Variants in CDH26 observed in about 807,000 individuals in gnomAD.
CDH26 encodes cadherin 26.
Under a neutral mutation model 90.3 loss-of-function variants are expected in CDH26, and 83 were observed. The observed-to-expected ratio is 0.92, with a 90% CI of 0.77 to 1.10. CDH26 has a LOEUF of 1.10. CDH26 is among the 50% of genes least tolerant of loss of function. The pLI is 0.00. For missense variants in CDH26, 1,013 were observed against 1,037.6 expected (o/e 0.98, Z 0.33); for synonymous variants, 397 against 396.3 (o/e 1.00, Z -0.02).
rs940934920 is a variant in CDH26, at chr20:59,987,240, C to T, written c.838-213C>T. Among the ~76,000 whole-genome samples the T allele has an allele frequency of 5.3e-5, 8 of 152,288 alleles. No homozygotes were observed. In the East Asian group the frequency reaches 9.6e-4, roughly 18 times the overall value. ...AGGTAGGAGGGGGCAGATATTCCAACGGATGCACCTTCTGCTGTAACAGAC... is the reference window on the plus strand; with the variant it reads ...AGGTAGGAGGGGGCAGATATTCCAATGGATGCACCTTCTGCTGTAACAGAC... On this transcript the variant is annotated intron_variant, in intron 7 of 17. Transcript: ENST00000348616.
In CDH26 at chr20:59,987,565, A is replaced by C; in HGVS notation, c.950A>C (p.His317Pro). 6.2e-7 allele frequency: 1 copy of C among 1,614,070 alleles called. No individual in the cohort carries two copies. ...TGGAGAGCAAAATTCAACATATTGCATGGCAATGAAGAGGGGCATTTTGAC... is the reference window on the plus strand; with the variant it reads ...TGGAGAGCAAAATTCAACATATTGCCTGGCAATGAAGAGGGGCATTTTGAC... ...SAWRAKFNILHGNEEGHFDIS... is the reference protein window; with the variant it reads ...SAWRAKFNILPGNEEGHFDIS... Residue 317 changes from histidine to proline, a missense_variant, in exon 8 of 18, where the codon CAT becomes CCT. Transcript: ENST00000348616.
At chr20:59,996,588 G>A (rs375982902) in intron 12 of CDH26, 43 bp from the exon 13 acceptor site, 2 of 1,614,206 alleles carry the variant, frequency 1.2e-6, no homozygotes, top group Non-Finnish European at 1.7e-6. Context: ...CTCTGATATG[G>A]GTGAGCTTGT....
chr20:60,027,968 T>A (rs2062011762), intron 7 of CDH26, among the ~76,000 whole-genome samples: 1 of 152,234 alleles, frequency 6.6e-6, no homozygotes, highest in Non-Finnish European at 1.5e-5. Flanking sequence ...CAGGGTAACA[T>A]CTGACCAGAC....
intron 17 of CDH26, among the ~76,000 whole-genome samples, chr20:60,011,213 G>T (rs1401859189): frequency 6.6e-6 from 1 of 152,216 alleles, no homozygotes; most frequent in Admixed American, 6.5e-5. Context: ...ATGACTCTAG[G>T]TTTCAAGGTT....
intron 4 of CDH26, among the ~76,000 whole-genome samples, chr20:59,974,583 A>T (rs1420951597): frequency 2.6e-5 from 4 of 152,166 alleles, no homozygotes; most frequent in South Asian, 2.1e-4. Context: ...TGGCATCCCC[A>T]TTAATTCTGT....
At chr20:59,987,422 A>G (rs1412580058) in intron 7 of CDH26, 31 bp from the exon 8 acceptor site, 2 of 1,569,208 alleles carry the variant, frequency 1.3e-6, no homozygotes, top group African/African-American at 1.4e-5. Flanking sequence ...TTTTGTTTCC[A>G]TGACATGGAC....
intron 17 of CDH26, among the ~76,000 whole-genome samples, chr20:60,010,481 G>A (rs1427550221): frequency 2.0e-5 from 3 of 152,118 alleles, no homozygotes; most frequent in African/African-American, 4.8e-5. Flanking sequence ...AAGGTAAATA[G>A]GCTAAAGTCC....
intron 1 of CDH26, among the ~76,000 whole-genome samples, chr20:59,961,923 T>C (rs2061080336): frequency 6.6e-6 from 1 of 152,200 alleles, no homozygotes; most frequent in Admixed American, 6.5e-5. Context: ...AAAAGCCACT[T>C]ATGATTTTTT....
At chr20:60,009,565 G>C (rs576340962) in intron 17 of CDH26, among the ~76,000 whole-genome samples, 3 of 152,278 alleles carry the variant, frequency 2.0e-5, no homozygotes, top group South Asian at 2.1e-4. Context: ...CTCCCTCTGC[G>C]GGGCAGGGAG....
chr20:59,961,204 A>G (rs947999052), intron 1 of CDH26, among the ~76,000 whole-genome samples: 2 of 151,576 alleles, frequency 1.3e-5, no homozygotes, highest in African/African-American at 4.8e-5. Context: ...CCTACCCACA[A>G]TGAGTCTGAT....
At chr20:60,021,995 G>A (rs2061962525) in intron 7 of CDH26, among the ~76,000 whole-genome samples, 1 of 150,828 alleles carries the variant, frequency 6.6e-6, no homozygotes, top group Non-Finnish European at 1.5e-5. Context: ...GCATCTTTAT[G>A]AAGTACCCCT....
intron 9 of CDH26, among the ~76,000 whole-genome samples, 164 bp downstream of exon 9, chr20:59,989,327 G>A (rs1273130608): frequency 6.6e-6 from 1 of 151,892 alleles, no homozygotes; most frequent in East Asian, 1.9e-4. Context: ...AAGAGATCGA[G>A]ACCATCCTGG....
At chr20:60,008,907 A>C (rs1278435541) in intron 17 of CDH26, among the ~76,000 whole-genome samples, 1 of 152,216 alleles carries the variant, frequency 6.6e-6, no homozygotes, top group African/African-American at 2.4e-5. Flanking sequence ...CAGGCAAGCC[A>C]GGCTCCTGCA....
chr20:60,002,705 C>A, intron 15 of CDH26, 108 bp from the exon 16 acceptor site: 4 of 658,604 alleles, frequency 6.1e-6, no homozygotes, highest in Non-Finnish European at 1.0e-5. Flanking sequence ...AATTACTATA[C>A]CTTTAGTACA....
At chr20:60,005,947 C>T (rs1225495542) in intron 16 of CDH26, among the ~76,000 whole-genome samples, 1 of 152,230 alleles carries the variant, frequency 6.6e-6, no homozygotes, top group Non-Finnish European at 1.5e-5. Flanking sequence ...TCCCTCCCTG[C>T]TTAGGGCCTG....
chr20:60,023,959 G>GA (rs1491074204), intron 7 of CDH26, among the ~76,000 whole-genome samples: 3 of 124,230 alleles, frequency 2.4e-5, no homozygotes, highest in African/African-American at 6.2e-5. Flanking sequence ...TGCTGACAGA[G>GA]GGAGAGAGAG....
chr20:60,016,631 T>G (rs2061907742), downstream of CDH26, among the ~76,000 whole-genome samples: 1 of 150,934 alleles, frequency 6.6e-6, no homozygotes, highest in South Asian at 2.1e-4. Flanking sequence ...TTGCTCTGGC[T>G]AGGACATTCA....
In CDH26 at chr20:59,958,480, C is replaced by A; in HGVS notation, c.-247C>A. 2.0e-6 allele frequency: 1 copy of A among 497,918 alleles called. No homozygotes were observed. Among genetic ancestry groups the A allele is most frequent in the Middle Eastern group, 5.4e-4 (1 of 1,858 alleles). The allele number at this position is 497,918 out of a possible 1,614,324, so 30.8% of individuals were successfully genotyped here. On this transcript the variant is annotated 5_prime_UTR_variant, in exon 1 of 18. Coordinates refer to ENST00000348616, the MANE Select transcript of CDH26 (RefSeq NM_177980.4). The stretch of plus-strand genomic sequence containing the variant: ...TGGCTTTAGTTTCTACCCCACCCTT[C>A]CTAGGAACTCTACTTGTGGCAAACG...
chr20:60,008,878 T>TAG (rs1282467482), intron 17 of CDH26, among the ~76,000 whole-genome samples: 1 of 152,186 alleles, frequency 6.6e-6, no homozygotes, highest in Non-Finnish European at 1.5e-5. Context: ...TCTCCGGGCC[T>TAG]AGAAGCTTTG....
Sources: gnomAD v4.1 joint callset for allele counts (sites outside exome capture counted in the v4.1 genomes callset) on GRCh38, gnomAD v4.1.1 for gene constraint, MANE v1.5 for transcripts, NCBI Gene and HGNC (gene_info 2026-07-23, HGNC 2026-07-21) for gene names.